SFMBT2: variants seen among roughly 807,000 people sequenced by gnomAD.
SFMBT2 encodes Scm like with four mbt domains 2, also known as scm-like with four MBT domains protein 2.
A neutral mutation model predicts 110.1 loss-of-function variants in SFMBT2; 38 were observed. That is an observed-to-expected ratio of 0.35 (90% CI 0.27 to 0.45). The LOEUF (loss-of-function observed/expected upper bound fraction) is 0.45, where lower values mean the gene tolerates loss of function less well. Ranked by LOEUF, SFMBT2 falls within the 20% of genes least tolerant of loss-of-function variation. The pLI is 1.00. For synonymous variants in SFMBT2, 425 were observed against 425.4 expected, an observed-to-expected ratio of 1.00 and a Z score of 0.01; for missense variants, 1,011 against 1,094.9, an observed-to-expected ratio of 0.92 and a Z score of 1.08.
Position 7,367,778 on chromosome 10 carries a change from G to A in SFMBT2, c.307C>T (p.Leu103=), listed in dbSNP as rs759523227. ...VATIITTCGQ[L]LLLRYCGYGE... ...TAACCGCAGTAGCGCAGAAGCAGCA[G>A]CTGCCCGCACGTGGTAATGATCGTG... The change falls in exon 4 of 21, where the codon CTG becomes TTG. Residue 103 remains leucine, a synonymous_variant. Transcript: ENST00000397167. This position sits in a 1 kb window ranked among gnomAD's most constrained non-coding sequence, Gnocchi z 6.2. The A allele has an allele frequency of 5.0e-6, 8 of 1,614,194 alleles. No homozygotes were observed. Among genetic ancestry groups the A allele is most frequent in the Non-Finnish European group, 6.8e-6 (8 of 1,180,036 alleles).
In SFMBT2 at chr10:7,295,698, G is replaced by A. The variant is rs542673872; in HGVS notation, c.437-9744C>T. Reference sequence around the variant, plus strand: ...AAGTGAATTATCACTTTCAGTGTTCGTTTCAGCATGTGTAACCTAGAAAGC... The same window carrying A: ...AAGTGAATTATCACTTTCAGTGTTCATTTCAGCATGTGTAACCTAGAAAGC... On this transcript the variant is annotated intron_variant, in intron 4 of 20. Transcript: ENST00000397167. Among the ~76,000 whole-genome samples, 15 of 152,186 alleles carry A rather than the reference G, an allele frequency of 9.9e-5. No homozygotes were observed. In the South Asian group the frequency reaches 2.7e-3, roughly 27 times the overall value.
At chr10:7,271,800 A>G (rs748135263) in intron 7 of SFMBT2, among the ~76,000 whole-genome samples, 2 of 152,236 alleles carry the variant, frequency 1.3e-5, no homozygotes, top group Non-Finnish European at 2.9e-5. Flanking sequence ...ACATGGCAGC[A>G]GACAAGAGAA....
intron 16 of SFMBT2, among the ~76,000 whole-genome samples, chr10:7,181,533 G>A (rs1344609294): frequency 6.6e-6 from 1 of 152,162 alleles, no homozygotes; most frequent in Non-Finnish European, 1.5e-5. Context: ...GTATGAGATT[G>A]TTTCAAAAGC....
chr10:7,410,402 G>A (rs559893773), intron 1 of SFMBT2, among the ~76,000 whole-genome samples: 1 of 152,242 alleles, frequency 6.6e-6, no homozygotes, highest in African/African-American at 2.4e-5. Flanking sequence ...AGACGCGGGA[G>A]CGCGGGGTAG....
chr10:7,356,239 C>A (rs966919586), intron 4 of SFMBT2, among the ~76,000 whole-genome samples: 2 of 152,142 alleles, frequency 1.3e-5, no homozygotes, highest in Admixed American at 1.3e-4. Context: ...AGGCTGGAGG[C>A]CCCTCTCATC....
chr10:7,259,110 T>G (rs201804099), intron 7 of SFMBT2, among the ~76,000 whole-genome samples: 3 of 152,158 alleles, frequency 2.0e-5, no homozygotes, highest in African/African-American at 7.2e-5. Flanking sequence ...TTAACTCAAC[T>G]GCTGTCATGG....
At chr10:7,352,828 GGTGAAACCCT>G (rs1844367408) in intron 4 of SFMBT2, among the ~76,000 whole-genome samples, 1 of 152,100 alleles carries the variant, frequency 6.6e-6, no homozygotes, top group African/African-American at 2.4e-5. Context: ...TGGCTAACAT[GGTGAAACCCT>G]GTCTCTACTA....
chr10:7,316,821 T>C (rs900961346), intron 4 of SFMBT2, among the ~76,000 whole-genome samples: 2 of 152,264 alleles, frequency 1.3e-5, no homozygotes, highest in East Asian at 1.9e-4. Context: ...CATGAACCTC[T>C]TGATATTACA....
intron 7 of SFMBT2, among the ~76,000 whole-genome samples, chr10:7,262,242 G>A (rs1841229903): frequency 6.7e-6 from 1 of 150,104 alleles, no homozygotes; most frequent in Non-Finnish European, 1.5e-5. Context: ...AATGTTTTTT[G>A]GAGGGGGGAT....
intron 4 of SFMBT2, among the ~76,000 whole-genome samples, chr10:7,354,089 A>G (rs1034348150): frequency 2.0e-5 from 3 of 147,996 alleles, no homozygotes; most frequent in Non-Finnish European, 4.5e-5. Context: ...TCCCTCTCCA[A>G]AAAAAAAAAA....
chr10:7,293,551 G>A lies in SFMBT2; in HGVS notation c.437-7597C>T, dbSNP rs1423422308. 6.6e-6 allele frequency among the ~76,000 whole-genome samples: 1 copy of A among 152,144 alleles called. No homozygotes were observed. Among genetic ancestry groups the A allele is most frequent in the Non-Finnish European group, 1.5e-5 (1 of 68,022 alleles). ...CTGAGATGAGGCAGATTCAAGGGAT[G>A]CAAATACCAAGGGCAAGCTCCACTG... On this transcript the variant is annotated intron_variant, in intron 4 of 20. Transcript: ENST00000397167. This position sits in a 1 kb window ranked among gnomAD's most constrained non-coding sequence, Gnocchi z 4.6.
At chr10:7,169,589 T>C (rs1837809748) in intron 20 of SFMBT2, among the ~76,000 whole-genome samples, 1 of 152,048 alleles carries the variant, frequency 6.6e-6, no homozygotes, top group South Asian at 2.1e-4. Flanking sequence ...TAACATTATA[T>C]GAAAAACAGT....
chr10:7,275,893 A>C (rs1481021285), intron 7 of SFMBT2, among the ~76,000 whole-genome samples: 1 of 152,240 alleles, frequency 6.6e-6, no homozygotes, highest in Admixed American at 6.5e-5. Flanking sequence ...CATCTTCTAC[A>C]TGAAACTTGT....
At chr10:7,278,225 C>G (rs1201119116) in intron 6 of SFMBT2, among the ~76,000 whole-genome samples, 3 of 151,888 alleles carry the variant, frequency 2.0e-5, no homozygotes, top group Non-Finnish European at 4.4e-5. Context: ...ACTCAATGGG[C>G]CTCAACACAC....
intron 9 of SFMBT2, among the ~76,000 whole-genome samples, chr10:7,243,348 G>T (rs1393876067): frequency 6.6e-6 from 1 of 152,192 alleles, no homozygotes; most frequent in Non-Finnish European, 1.5e-5. Context: ...AACTCCTGTG[G>T]ACAGAAGTGA....
chr10:7,244,102 CT>C, intron 8 of SFMBT2: 1 of 694,776 alleles, frequency 1.4e-6, no homozygotes, highest in Non-Finnish European at 1.8e-6. Context: ...GCACCAAACT[CT>C]TTACACCAGA....
chr10:7,272,091 G>A (rs1411980901), intron 7 of SFMBT2, among the ~76,000 whole-genome samples: 3 of 152,148 alleles, frequency 2.0e-5, no homozygotes, highest in Admixed American at 2.0e-4. Context: ...GCACAGGGGA[G>A]CGAGTGAAAA....
intron 1 of SFMBT2, among the ~76,000 whole-genome samples, chr10:7,383,349 A>C (rs907119203): frequency 1.4e-4 from 22 of 152,176 alleles, no homozygotes; most frequent in South Asian, 6.2e-4. Flanking sequence ...TAAATAAACA[A>C]AAAACAGGAG....
intron 10 of SFMBT2, among the ~76,000 whole-genome samples, chr10:7,221,448 C>G (rs1053085581): frequency 1.3e-5 from 2 of 151,966 alleles, no homozygotes; most frequent in Non-Finnish European, 2.9e-5. Context: ...TGCCCGTAAT[C>G]CCGGCTACTC....
Sources: gnomAD v4.1 joint callset for allele counts (sites outside exome capture counted in the v4.1 genomes callset) on GRCh38, gnomAD v4.1.1 for gene constraint, Gnocchi (gnomAD v3.1) non-coding constraint, MANE v1.5 for transcripts, NCBI Gene and HGNC (gene_info 2026-07-23, HGNC 2026-07-21) for gene names.